The following NBPF14 variants were observed in gnomAD, a reference collection of about 807,000 sequenced individuals.
The protein encoded by NBPF14 is NBPF family member NBPF14.
In NBPF14, 104 loss-of-function variants were observed where a neutral mutation model predicts 91.2. That is an observed-to-expected ratio of 1.14 (90% CI 0.97 to 1.34). NBPF14 has a LOEUF of 1.34. Ranked by LOEUF, NBPF14 falls within the 40% of genes most tolerant of loss-of-function variation. NBPF14 has a pLI of 0.00. For synonymous variants in NBPF14, 294 were observed against 303.8 expected, an observed-to-expected ratio of 0.97 and a Z score of 0.34; for missense variants, 908 against 783.0, an observed-to-expected ratio of 1.16 and a Z score of -1.91.
chr1:148,575,989 G>A (rs1236620408), intron 16 of NBPF14, among the ~76,000 whole-genome samples, 178 bp from the exon 17 acceptor site: 2 of 145,036 alleles, frequency 1.4e-5, no homozygotes, highest in East Asian at 4.1e-4. Context: ...AGAAAAGAAT[G>A]AAAGAGAAAG....
chr1:148,566,261 C>T, exon 29 of NBPF14: 1 of 642,010 alleles, frequency 1.6e-6, no homozygotes, highest in Non-Finnish European at 2.8e-6. Context: ...AACATCTATC[C>T]AGTGAGTCCT....
chr1:148,590,504 T>C (rs1214246921), intron 6 of NBPF14, among the ~76,000 whole-genome samples: 13 of 99,368 alleles, frequency 1.3e-4, no homozygotes, highest in Admixed American at 1.1e-3. Flanking sequence ...GCACCATGCC[T>C]GCCTAATTTT....
intron 13 of NBPF14, 83 bp downstream of exon 13, chr1:148,578,991 A>G: frequency 1.6e-6 from 1 of 631,506 alleles, no homozygotes; most frequent in South Asian, 1.6e-5. Flanking sequence ...TCTCAGCCCA[A>G]CAAGGGGCAC....
intron 69 of NBPF14, among the ~76,000 whole-genome samples, chr1:148,534,359 TA>T (rs1654519834): frequency 6.6e-6 from 1 of 151,742 alleles, no homozygotes; most frequent in African/African-American, 2.4e-5. Context: ...ACACTGAAAT[TA>T]GAGTGAAAAA....
rs1489996528 is a variant in NBPF14 at position 148,592,734 on chromosome 1, C to T, written c.311G>A (p.Arg104Gln). The stretch of plus-strand genomic sequence containing the variant: ...CTTCTCCCTTAGCTGGGTCAGCTCT[C>T]GTTCCTGAGAGTGAACCAGGACTTT... The change falls in exon 4 of 71, where the codon CGA becomes CAA. Residue 104 changes from arginine to glutamine, a missense_variant. By Grantham distance (43) the Arg-to-Gln change is conservative (BLOSUM62 1). Around this residue, in one of 13 missense-constraint regions of NBPF14, gnomAD observed 61 missense variants for 56.4 expected, o/e 1.08. Transcript: ENST00000619423. The T allele has an allele frequency of 1.4e-5, 22 of 1,585,374 alleles. 3 individuals carry two copies. The highest frequency in any genetic ancestry group is 3.4e-5 in the Admixed American group (2 of 59,306).
rs1222957738 is a variant in NBPF14, at chr1:148,589,929, G to A, written c.779-536C>T. ...GTATTCTTAGTAGAGATGGGGTTTC[G>A]CCATCTTGGACAGGCTGGTTTCGAA... is the stretch of plus-strand genomic sequence containing the variant. On this transcript the variant is annotated intron_variant, in intron 6 of 70. Coordinates refer to ENST00000619423, the Ensembl canonical transcript of NBPF14. Among the ~76,000 whole-genome samples the A allele has an allele frequency of 1.7e-4, 25 of 147,476 alleles. 2 individuals carry two copies. The highest frequency in any genetic ancestry group is 3.6e-3 in the Middle Eastern group (1 of 274).
chr1:148,581,744 G>A (rs1376359457), intron 12 of NBPF14, among the ~76,000 whole-genome samples: 1 of 151,352 alleles, frequency 6.6e-6, no homozygotes, highest in African/African-American at 2.4e-5. Context: ...GACCATTGAC[G>A]CTAGGAAGAA....
chr1:148,559,862 A>G lies in NBPF14; in HGVS notation c.4660T>C (p.Cys1554Arg). The stretch of plus-strand genomic sequence containing the variant: ...TAAAAGGCACTTCTATAGGGCTGGC[A>G]TGAGTCAGTCAGTTCAAGACAACCT... The change falls in exon 37 of 71, where the codon TGC becomes CGC. Residue 1554 changes from cysteine to arginine, a missense_variant. Coordinates refer to ENST00000619423, the Ensembl canonical transcript of NBPF14. 3.3e-6 allele frequency: 5 copies of G among 1,498,186 alleles called. 1 individual carries two copies. Among genetic ancestry groups the G allele is most frequent in the Admixed American group, 1.8e-5 (1 of 56,086 alleles). The allele number at this position is 1,498,186 out of a possible 1,614,324, so 92.8% of individuals were successfully genotyped here.
intron 70 of NBPF14, among the ~76,000 whole-genome samples, chr1:148,533,454 GAGAC>G (rs1161991570): frequency 6.7e-6 from 1 of 149,522 alleles, no homozygotes; most frequent in Non-Finnish European, 1.5e-5. Flanking sequence ...CAGAGAGAGA[GAGAC>G]AGAGACAGAG....
chr1:148,560,242 A>C (rs1657571792), intron 36 of NBPF14, among the ~76,000 whole-genome samples: 2 of 149,988 alleles, frequency 1.3e-5, no homozygotes, highest in East Asian at 2.0e-4. Context: ...CTGGTAAGGG[A>C]GTCAAAGGAC....
intron 63 of NBPF14, 133 bp downstream of exon 63, chr1:148,539,277 A>C (rs1267830220): frequency 1.6e-6 from 1 of 635,090 alleles, no homozygotes; most frequent in African/African-American, 2.8e-5. Context: ...TTTCTTTACA[A>C]CCTATATGCG....
intron 59 of NBPF14, among the ~76,000 whole-genome samples, chr1:148,542,191 C>A (rs1319498301): frequency 1.2e-5 from 1 of 86,620 alleles, no homozygotes; most frequent in Non-Finnish European, 1.9e-5. Flanking sequence ...AACAAATACG[C>A]AGATTGTTCA....
intron 37 of NBPF14, among the ~76,000 whole-genome samples, chr1:148,559,536 G>A (rs1343289145): frequency 8.2e-6 from 1 of 121,776 alleles, no homozygotes; most frequent in Non-Finnish European, 1.6e-5. Flanking sequence ...TGTCACATCT[G>A]CCCAGGTCCA....
In NBPF14 at chr1:148,566,328, G is replaced by A. The variant is rs1403751816; in HGVS notation, c.3543-13C>T. The A allele has an allele frequency of 2.7e-5, 21 of 774,666 alleles. 4 individuals are homozygous for A. Among genetic ancestry groups the A allele is most frequent in the Admixed American group, 1.3e-4 (7 of 55,840 alleles). The allele number at this position is 774,666 out of a possible 1,614,324, so 48.0% of individuals were successfully genotyped here. ...CTCCCTGCTGAGCCTGGAAAAGGAG[G>A]AAAAGGTAAAGAATAAGCCAGGGGA... On this transcript the variant is annotated splice_polypyrimidine_tract_variant and intron_variant, in intron 28 of 70. Coordinates refer to ENST00000619423, the Ensembl canonical transcript of NBPF14.
At chr1:148,571,325 T>A (rs1188494064) in intron 22 of NBPF14, among the ~76,000 whole-genome samples, 11 of 60,034 alleles carry the variant, frequency 1.8e-4, no homozygotes, top group African/African-American at 6.3e-4. Context: ...GGTGACACAC[T>A]GATGAGGGAG....
intron 36 of NBPF14, 112 bp from the exon 37 acceptor site, chr1:148,560,077 T>G: frequency 1.5e-6 from 1 of 680,346 alleles, no homozygotes; most frequent in Non-Finnish European, 2.6e-6. Flanking sequence ...AAAGGACAGA[T>G]CCATTAATGA....
intron 4 of NBPF14, among the ~76,000 whole-genome samples, chr1:148,591,785 A>C (rs1444517255): frequency 3.5e-4 from 49 of 140,158 alleles, no homozygotes; most frequent in African/African-American, 5.7e-4. Context: ...GGACTTTGGC[A>C]GCTGTCTCCC....
At chr1:148,559,872 C>G in exon 37 of NBPF14, 5 of 1,402,440 alleles carry the variant, frequency 3.6e-6, no homozygotes, top group Non-Finnish European at 4.9e-6. Context: ...ATGAGTCAGT[C>G]AGTTCAAGAC....
rs1657418783 is a variant in NBPF14 at position 148,559,971 on chromosome 1, A to G, written c.4557-6T>C. On this transcript the variant is annotated splice_region_variant and splice_polypyrimidine_tract_variant and intron_variant, in intron 36 of 70. Coordinates refer to ENST00000619423, the Ensembl canonical transcript of NBPF14. ...GCAGCAGCTCCCTGCTGAGCCTGGA[A>G]AAGTGGAAAAAAGTAAAGAATAAGC... 4.7e-6 allele frequency: 6 copies of G among 1,279,762 alleles called. No homozygotes were observed. The highest frequency in any genetic ancestry group is 5.5e-6 in the Non-Finnish European group (5 of 911,378). The allele number at this position is 1,279,762 out of a possible 1,614,324, so 79.3% of individuals were successfully genotyped here.
Sources: allele counts gnomAD v4.1 joint callset (sites outside exome capture counted in the v4.1 genomes callset), GRCh38; gene constraint gnomAD v4.1.1; regional missense constraint gnomAD v4.1.1; transcripts MANE v1.5; gene names NCBI Gene and HGNC (gene_info 2026-07-23, HGNC 2026-07-21).